The following HPSE2 variants were observed in gnomAD, a reference collection of about 807,000 sequenced individuals.
The protein encoded by HPSE2 is heparanase 2 (inactive), also known as inactive heparanase-2.
A neutral mutation model predicts 60.5 loss-of-function variants in HPSE2; 38 were observed. That is an observed-to-expected ratio of 0.63 (90% CI 0.48 to 0.82). The LOEUF (loss-of-function observed/expected upper bound fraction) is 0.82. HPSE2 is among the 40% of genes least tolerant of loss of function. HPSE2 has a pLI of 0.00. For missense variants in HPSE2, 713 were observed against 740.4 expected, an observed-to-expected ratio of 0.96 and a Z score of 0.43; for synonymous variants, 295 against 293.2, an observed-to-expected ratio of 1.01 and a Z score of -0.06.
chr10:98,765,541 C>G (rs1041665409), intron 3 of HPSE2, among the ~76,000 whole-genome samples: 1 of 152,078 alleles, frequency 6.6e-6, no homozygotes, highest in Non-Finnish European at 1.5e-5. Flanking sequence ...AAAAAATGCT[C>G]TTATTTAAAA....
At chr10:99,243,135 C>T in the HPSE2 span, among the ~76,000 whole-genome samples, 4 of 152,070 alleles carry the variant, frequency 2.6e-5, no homozygotes, top group Admixed American at 6.6e-5. Context: ...AGGCGGATCA[C>T]GAGGTCAGGG....
intron 9 of HPSE2, among the ~76,000 whole-genome samples, chr10:98,547,381 A>T (rs1054107332): frequency 5.3e-5 from 8 of 150,702 alleles, no homozygotes; most frequent in African/African-American, 1.7e-4. Context: ...CATTATTCAC[A>T]ATAGCAAAGA....
At chr10:99,148,787 CTCAATCAATCAA>C (rs10604979) in intron 2 of HPSE2, among the ~76,000 whole-genome samples, 33 of 149,768 alleles carry the variant, frequency 2.2e-4, no homozygotes, top group East Asian at 1.2e-3. Flanking sequence ...CGAAACTCCA[CTCAATCAATCAA>C]TCAATCAATC....
intron 3 of HPSE2, among the ~76,000 whole-genome samples, chr10:99,120,532 C>T (rs527904756): frequency 1.1e-4 from 16 of 150,850 alleles, no homozygotes; most frequent in Admixed American, 7.9e-4. Context: ...GGACTGCAAT[C>T]GTGCGATCTT....
At chr10:98,695,284 C>A (rs991889337) in intron 5 of HPSE2, among the ~76,000 whole-genome samples, 1 of 152,026 alleles carries the variant, frequency 6.6e-6, no homozygotes, top group Non-Finnish European at 1.5e-5. Context: ...AGAAGGAGGA[C>A]GAGGACGGAG....
chr10:98,814,603 A>G (rs901331390), intron 3 of HPSE2, among the ~76,000 whole-genome samples: 1 of 152,220 alleles, frequency 6.6e-6, no homozygotes, highest in African/African-American at 2.4e-5. Flanking sequence ...AAAATACCAG[A>G]GACAGAGAAA....
rs182414805 is a variant in HPSE2 at position 98,915,107 on chromosome 10, A to G, written c.611-171051T>C. On this transcript the variant is annotated intron_variant, in intron 3 of 11. Coordinates refer to ENST00000370552, the MANE Select transcript of HPSE2 (RefSeq NM_021828.5). ...CTATATACTTATATAACCTCGATAA[A>G]CTTTGATGTAATTTTATATTGTTCT... 3.3e-3 allele frequency among the ~76,000 whole-genome samples: 498 copies of G among 150,408 alleles called. 1 individual carries two copies. Among genetic ancestry groups the G allele is most frequent in the Non-Finnish European group, 5.6e-3 (379 of 67,664 alleles).
At chr10:99,101,435 C>T (rs1361855053) in intron 3 of HPSE2, among the ~76,000 whole-genome samples, 1 of 152,146 alleles carries the variant, frequency 6.6e-6, no homozygotes, top group South Asian at 2.1e-4. Context: ...ACAAGATGGG[C>T]TAACTATCCT....
chr10:99,207,871 T>C (rs1451222216), intron 2 of HPSE2, among the ~76,000 whole-genome samples: 1 of 151,818 alleles, frequency 6.6e-6, no homozygotes, highest in Non-Finnish European at 1.5e-5. Context: ...CCACACATAG[T>C]ACCAAACCAT....
At chr10:99,111,761 C>CA (rs1199475809) in intron 3 of HPSE2, among the ~76,000 whole-genome samples, 3 of 152,230 alleles carry the variant, frequency 2.0e-5, no homozygotes, top group Non-Finnish European at 4.4e-5. Context: ...ATTTCCAAAA[C>CA]AGATGCTAAC....
intron 9 of HPSE2, among the ~76,000 whole-genome samples, chr10:98,577,782 T>C (rs1944683071): frequency 6.6e-6 from 1 of 152,182 alleles, no homozygotes; most frequent in South Asian, 2.1e-4. Flanking sequence ...CCCTGAGCCC[T>C]GTTGCCTCCT....
intron 3 of HPSE2, among the ~76,000 whole-genome samples, chr10:98,805,129 G>C (rs1481571697): frequency 6.6e-6 from 1 of 152,174 alleles, no homozygotes; most frequent in Non-Finnish European, 1.5e-5. Context: ...ATGGTTGTCA[G>C]AGGCTGGGAA....
intron 3 of HPSE2, among the ~76,000 whole-genome samples, chr10:99,040,580 C>T (rs956071160): frequency 5.9e-5 from 9 of 151,910 alleles, no homozygotes; most frequent in African/African-American, 1.9e-4. Flanking sequence ...CTGAAGTGTA[C>T]TTTTATGCAA....
chr10:98,805,288 G>T (rs1031750038), intron 3 of HPSE2, among the ~76,000 whole-genome samples: 4 of 152,092 alleles, frequency 2.6e-5, no homozygotes, highest in South Asian at 4.1e-4. Flanking sequence ...AAAAAAAATT[G>T]TAACCTTTGG....
At chr10:98,941,076 C>T (rs1362313759) in intron 3 of HPSE2, among the ~76,000 whole-genome samples, 3 of 141,456 alleles carry the variant, frequency 2.1e-5, no homozygotes, top group East Asian at 2.0e-4. Flanking sequence ...ATTGATGGGA[C>T]GTATCTCAAA....
chr10:98,823,209 G>T (rs2134620588), intron 3 of HPSE2, among the ~76,000 whole-genome samples: 1 of 152,340 alleles, frequency 6.6e-6, no homozygotes, highest in East Asian at 1.9e-4. Flanking sequence ...TGTGGAGAAT[G>T]AATTTTAGAC....
intron 9 of HPSE2, among the ~76,000 whole-genome samples, chr10:98,582,810 C>A (rs1285658446): frequency 6.6e-6 from 1 of 152,104 alleles, no homozygotes; most frequent in Non-Finnish European, 1.5e-5. Flanking sequence ...ATTAGTATGT[C>A]TACAGTAGTG....
chr10:98,633,016 C>A (rs1946405403), intron 7 of HPSE2, among the ~76,000 whole-genome samples: 1 of 152,056 alleles, frequency 6.6e-6, no homozygotes, highest in South Asian at 2.1e-4. Context: ...GCCCTTCTAC[C>A]TCCCCCACCT....
At chr10:98,935,106 T>C (rs909106587) in intron 3 of HPSE2, among the ~76,000 whole-genome samples, 1 of 142,004 alleles carries the variant, frequency 7.0e-6, no homozygotes, top group African/African-American at 2.9e-5. Context: ...CATCACAAAG[T>C]TCTCGTGTTG....
Sources: allele counts gnomAD v4.1 joint callset (sites outside exome capture counted in the v4.1 genomes callset), GRCh38; gene constraint gnomAD v4.1.1; transcripts MANE v1.5; gene names NCBI Gene and HGNC (gene_info 2026-07-23, HGNC 2026-07-21).